TG: variants seen among roughly 807,000 people sequenced by gnomAD.
The protein encoded by TG is thyroid hormones.
A neutral mutation model predicts 324.7 loss-of-function variants in TG; 270 were observed. That is an observed-to-expected ratio of 0.83 (90% CI 0.75 to 0.92). The LOEUF is 0.92. Among genes scored for constraint, TG ranks in the 40% least tolerant of loss-of-function variants. TG has a pLI of 0.00. For synonymous variants in TG, 1,401 were observed against 1,327.0 expected (o/e 1.06, Z -1.21); for missense variants, 3,591 against 3,456.4 (o/e 1.04, Z -0.98).
At chr8:132,916,970 TTTCCTTCCTTCC>T (rs1229917685) in intron 20 of TG, among the ~76,000 whole-genome samples, 29 of 149,318 alleles carry the variant, frequency 1.9e-4, no homozygotes, top group Non-Finnish European at 3.9e-4. Flanking sequence ...TCCTTACTTC[TTTCCTTCCTTCC>T]TTCCTTCTTT....
chr8:132,993,538 G>A (rs1832586639), intron 35 of TG, among the ~76,000 whole-genome samples: 1 of 152,208 alleles, frequency 6.6e-6, no homozygotes, highest in African/African-American at 2.4e-5. Flanking sequence ...GGCATGGCTG[G>A]GTTAGGTCAT....
chr8:133,101,617 T>A (rs1849268242), intron 43 of TG, among the ~76,000 whole-genome samples: 1 of 152,236 alleles, frequency 6.6e-6, no homozygotes, highest in Non-Finnish European at 1.5e-5. Flanking sequence ...GTGTCCAGCA[T>A]GTTTTTGTAA....
chr8:132,969,194 C>G (rs1023680627), intron 31 of TG, among the ~76,000 whole-genome samples: 1 of 152,132 alleles, frequency 6.6e-6, no homozygotes, highest in Non-Finnish European at 1.5e-5. Flanking sequence ...TTTTCTTGGT[C>G]TGTTAGGCCT....
At chr8:133,118,682 G>T (rs1850905768) in intron 45 of TG, among the ~76,000 whole-genome samples, 1 of 152,052 alleles carries the variant, frequency 6.6e-6, no homozygotes, top group Non-Finnish European at 1.5e-5. Context: ...AATTTTGCAG[G>T]GTTGAAATGG....
intron 35 of TG, chr8:132,995,069 G>A (rs950064481): frequency 3.1e-6 from 3 of 962,208 alleles, no homozygotes; most frequent in Non-Finnish European, 3.6e-6. Flanking sequence ...CCACAGGCAA[G>A]CAGAAGGAGC....
At chr8:133,107,613 G>A (rs1401100596) in intron 43 of TG, among the ~76,000 whole-genome samples, 18 of 152,176 alleles carry the variant, frequency 1.2e-4, no homozygotes, top group Admixed American at 1.2e-3. Context: ...CTGAAAATGT[G>A]CCCCTTCACA....
intron 18 of TG, among the ~76,000 whole-genome samples, chr8:132,909,966 T>C (rs1819272170): frequency 6.6e-6 from 1 of 152,328 alleles, no homozygotes; most frequent in East Asian, 1.9e-4. Flanking sequence ...AGACTTGTTT[T>C]GGAGATTAAA....
intron 41 of TG, among the ~76,000 whole-genome samples, chr8:133,080,516 T>A (rs949844707): frequency 1.3e-5 from 2 of 152,120 alleles, no homozygotes; most frequent in Non-Finnish European, 2.9e-5. Flanking sequence ...CCATCCTCTT[T>A]CAGCCCTGTG....
intron 20 of TG, among the ~76,000 whole-genome samples, chr8:132,918,654 G>A (rs1263745629): frequency 3.3e-5 from 5 of 152,196 alleles, no homozygotes; most frequent in Non-Finnish European, 7.3e-5. Flanking sequence ...AAAGACTTTG[G>A]TTTGGAGATG....
At chr8:132,911,676 T>C in intron 19 of TG, 143 bp downstream of exon 19, 1 of 712,588 alleles carries the variant, frequency 1.4e-6, no homozygotes, top group Non-Finnish European at 2.5e-6. Flanking sequence ...TTTAAAAACA[T>C]ATAATAATCA....
intron 26 of TG, among the ~76,000 whole-genome samples, chr8:132,944,978 C>A (rs1020801272): frequency 1.3e-5 from 2 of 152,092 alleles, no homozygotes; most frequent in African/African-American, 4.8e-5. Flanking sequence ...GAGTACAAGG[C>A]CAGAGGTTTA....
At chr8:132,920,083 A>T (rs1440084089) in intron 21 of TG, among the ~76,000 whole-genome samples, 2 of 152,218 alleles carry the variant, frequency 1.3e-5, no homozygotes, top group African/African-American at 4.8e-5. Flanking sequence ...AGATTGAAAA[A>T]TGGAAGATAT....
In TG at chr8:133,013,772, C is replaced by G. The variant is rs755217085; in HGVS notation, c.6562+8C>G. 1 of 1,607,406 alleles carries G rather than the reference C, an allele frequency of 6.2e-7. No individual in the cohort carries two copies. Among genetic ancestry groups the G allele is most frequent in the Non-Finnish European group, 8.5e-7 (1 of 1,179,632 alleles). On this transcript the variant is annotated splice_region_variant and intron_variant, in intron 37 of 47. Transcript: ENST00000220616. Reference sequence around the variant, plus strand: ...ACATCTACCGGAAGCCAGGTAAGCCCAAGCCTATGCCTTTGCAGCCATCCT... The same window carrying G: ...ACATCTACCGGAAGCCAGGTAAGCCGAAGCCTATGCCTTTGCAGCCATCCT...
At chr8:133,095,337 G>A (rs1848243465) in intron 42 of TG, 129 bp downstream of exon 42, 2 of 1,286,160 alleles carry the variant, frequency 1.6e-6, no homozygotes, top group South Asian at 1.2e-5. Context: ...AACTGGAGCT[G>A]GAACTCACAT....
chr8:132,888,003 A>C lies in TG; in HGVS notation c.2196A>C (p.Leu732Phe). Residue 732 changes from leucine to phenylalanine, a missense_variant, in exon 10 of 48, where the codon TTA becomes TTC. Transcript: ENST00000220616. ...CCCCAGGCCCCACGCCCTGTCAATT[A>C]CAGTCTGAGCAAGCTTTCCTCAGGA... Reference protein sequence around the residue: ...KPKKCPTPCQLQSEQAFLRTV... With the variant: ...KPKKCPTPCQFQSEQAFLRTV... The C allele has an allele frequency of 1.2e-6, 2 of 1,614,032 alleles. No individual in the cohort carries two copies. Among genetic ancestry groups the C allele is most frequent in the Non-Finnish European group, 1.7e-6 (2 of 1,179,978 alleles).
At chr8:132,962,712 T>G (rs1435626673) in intron 28 of TG, among the ~76,000 whole-genome samples, 1 of 152,238 alleles carries the variant, frequency 6.6e-6, no homozygotes, top group Non-Finnish European at 1.5e-5. Flanking sequence ...CACAGGGAGT[T>G]ATAAACAGCA....
intron 35 of TG, among the ~76,000 whole-genome samples, chr8:133,009,589 C>T (rs1269715617): frequency 1.3e-5 from 2 of 151,758 alleles, no homozygotes; most frequent in East Asian, 3.9e-4. Context: ...TTGCATCCTC[C>T]TCAAATTTGT....
chr8:133,099,811 A>G (rs965776040), intron 43 of TG, among the ~76,000 whole-genome samples: 1 of 151,980 alleles, frequency 6.6e-6, no homozygotes. Context: ...ATGTATCCCA[A>G]ATCCAAACCC....
intron 31 of TG, among the ~76,000 whole-genome samples, chr8:132,968,284 G>A (rs1175972867): frequency 3.9e-5 from 6 of 152,142 alleles, no homozygotes; most frequent in Admixed American, 2.6e-4. Flanking sequence ...TCTTTTAAAA[G>A]TAAAGTTATT....
Sources: allele counts gnomAD v4.1 joint callset (sites outside exome capture counted in the v4.1 genomes callset), GRCh38; gene constraint gnomAD v4.1.1; transcripts MANE v1.5; gene names NCBI Gene and HGNC (gene_info 2026-07-23, HGNC 2026-07-21).